The following PATZ1 variants were observed in gnomAD, a reference collection of about 807,000 sequenced individuals.
The protein encoded by PATZ1 is POZ/BTB and AT hook containing zinc finger 1.
Under a neutral mutation model 46.2 loss-of-function variants are expected in PATZ1, and 9 were observed. That is an observed-to-expected ratio of 0.19 (90% CI 0.12 to 0.34). The LOEUF (loss-of-function observed/expected upper bound fraction) is 0.34, where lower values mean the gene tolerates loss of function less well. PATZ1 is among the 10% of genes least tolerant of loss of function. The probability of loss-of-function intolerance (pLI) is 1.00; values close to 1 mark genes in which losing one functional copy is unlikely to be tolerated. For missense variants in PATZ1, 632 were observed against 923.0 expected (o/e 0.68, Z 4.08); for synonymous variants, 426 against 378.6 (o/e 1.13, Z -1.45).
chr22:31,336,429 G>C (rs1044559141), intron 2 of PATZ1, among the ~76,000 whole-genome samples: 3 of 152,098 alleles, frequency 2.0e-5, no homozygotes, highest in Non-Finnish European at 4.4e-5. Context: ...TCACGAGTTT[G>C]AATTGAAAAA....
intron 2 of PATZ1, among the ~76,000 whole-genome samples, chr22:31,337,296 C>G (rs551556743): frequency 6.6e-6 from 1 of 152,162 alleles, no homozygotes; most frequent in East Asian, 1.9e-4. Flanking sequence ...TGTGTGATCA[C>G]CCTCCAAGAC....
chr22:31,344,249 TC>T, intron 1 of PATZ1, 82 bp downstream of exon 1: 1 of 1,298,670 alleles, frequency 7.7e-7, no homozygotes, highest in East Asian at 2.3e-5. Context: ...CCCCCACAAA[TC>T]CCACACCCCC....
intron 3 of PATZ1, among the ~76,000 whole-genome samples, chr22:31,334,908 T>C (rs1414820584): frequency 3.3e-5 from 5 of 152,176 alleles, no homozygotes; most frequent in Non-Finnish European, 5.9e-5. Flanking sequence ...AAGCACACCA[T>C]GCAGAAGCAT....
intron 2 of PATZ1, chr22:31,341,200 T>C (rs1024252427): frequency 6.4e-6 from 8 of 1,254,218 alleles, no homozygotes; most frequent in African/African-American, 1.5e-5. Flanking sequence ...AGAAAGAAAC[T>C]TGGATGCTAT....
intron 3 of PATZ1, among the ~76,000 whole-genome samples, chr22:31,331,164 T>C (rs2049436808): frequency 6.6e-6 from 1 of 152,076 alleles, no homozygotes; most frequent in Non-Finnish European, 1.5e-5. Context: ...AGGGAGGCTG[T>C]AGTCAGGAGT....
chr22:31,341,350 GCCAA>G, intron 2 of PATZ1: 1 of 1,506,128 alleles, frequency 6.6e-7, no homozygotes, highest in African/African-American at 1.4e-5. Flanking sequence ...GGGGTCTCAG[GCCAA>G]ATGCCCCTCC....
At chr22:31,335,544 G>T in intron 3 of PATZ1, 148 bp downstream of exon 3, 1 of 697,028 alleles carries the variant, frequency 1.4e-6, no homozygotes. Flanking sequence ...ATAGCTAGTT[G>T]GGTGATGAAG....
At position 31,345,492 on chromosome 22, in the gene PATZ1, G is replaced by T; in HGVS notation, c.111C>A (p.Gly37=). 1 of 1,613,240 alleles carries T rather than the reference G, an allele frequency of 6.2e-7. No individual in the cohort carries two copies. Among genetic ancestry groups the T allele is most frequent in the Non-Finnish European group, 8.5e-7 (1 of 1,179,866 alleles). ...GCAAGAGCACGTCGCAGAAGCGCCC[G>T]CCGTTTTTGCGCTGCTGGTTCAGGT... ...LHNLNQQRKN[G]GRFCDVLLRV... is the part of the protein sequence containing the mutation. The change falls in exon 1 of 5, where the codon GGC becomes GGA. Residue 37 remains glycine (G), a synonymous_variant. Transcript: ENST00000266269. The surrounding 1 kb of genome is among the most constrained non-coding windows in gnomAD (Gnocchi z 7.4).
At position 31,340,604 on chromosome 22, in the gene PATZ1, G is replaced by A. The variant is rs543226032; in HGVS notation, c.1335+2293C>T. On this transcript the variant is annotated intron_variant, in intron 2 of 4. Coordinates refer to ENST00000266269, the MANE Select transcript of PATZ1 (RefSeq NM_014323.3). ...ATGTTGGGAGGGGCAGGGCAGGAGC[G>A]CATTTGTACACCAAGGGACAGTGAT... 3.6e-5 allele frequency: 30 copies of A among 827,210 alleles called. No individual in the cohort carries two copies. In the South Asian group the frequency reaches 9.0e-4, roughly 25 times the overall value. The allele number at this position is 827,210 out of a possible 1,614,324, so 51.2% of individuals were successfully genotyped here.
chr22:31,328,883 G>A lies in PATZ1; in HGVS notation c.1549C>T (p.His517Tyr). 6.2e-7 allele frequency: 1 copy of A among 1,614,082 alleles called. No homozygotes were observed. Among genetic ancestry groups the A allele is most frequent in the Non-Finnish European group, 8.5e-7 (1 of 1,179,936 alleles). The change falls in exon 4 of 5, where the codon CAC becomes TAC. Residue 517 changes from histidine to tyrosine, a missense_variant. Coordinates refer to ENST00000266269, the MANE Select transcript of PATZ1 (RefSeq NM_014323.3). The surrounding 1 kb of genome is among the most constrained non-coding windows in gnomAD (Gnocchi z 4.8). ...ASYLKVHVKTHHGVPLPQVSR... is the reference protein window; with the variant it reads ...ASYLKVHVKTYHGVPLPQVSR... ...ACCTGGGGAAGGGGAACACCGTGGT[G>A]GGTTTTAACATGGACCTTTAAGTAG...
chr22:31,346,211 CGGCGGCGGCGGCGGCTGGAGCGGGCG>C lies in PATZ1; in HGVS notation c.-635_-610del, dbSNP rs949797450. 3.2e-4 allele frequency: 48 copies of C among 150,812 alleles called. No homozygotes were observed. Among genetic ancestry groups the C allele is most frequent in the Admixed American group, 1.2e-3 (18 of 14,828 alleles). The allele number at this position is 150,812 out of a possible 1,614,324, so 9.3% of individuals were successfully genotyped here. A position where few individuals can be genotyped will look rare whatever the true frequency, so the allele number is the denominator to read the frequency against. ...GGTCCCGGAGCCTGGAGGGCGGTGG[CGGCGGCGGCGGCGGCTGGAGCGGGCG>C]GGCGGCGGCGGCGGCAGAGTAGGCC... On this transcript the variant is annotated 5_prime_UTR_variant, in exon 1 of 5. Transcript: ENST00000266269.
chr22:31,344,626 A>G lies in PATZ1; in HGVS notation c.977T>C (p.Leu326Pro). The G allele has an allele frequency of 6.2e-7, 1 of 1,614,066 alleles. No individual in the cohort carries two copies. The highest frequency in any genetic ancestry group is 8.5e-7 in the Non-Finnish European group (1 of 1,180,030). Residue 326 changes from leucine (L) to proline (P), a missense_variant, in exon 1 of 5, where the codon CTT becomes CCT. Leu to Pro is a moderately conservative substitution (Grantham distance 98). Transcript: ENST00000266269. ...VTSLQLGYID[L>P]PPPRLGENGL... ...ATTCTCACCCAGCCTCGGAGGAGGA[A>G]GGTCGATGTAGCCCAGCTGGAGGCT...
chr22:31,337,739 A>G (rs1157131698), intron 2 of PATZ1: 1 of 152,214 alleles, frequency 6.6e-6, no homozygotes, highest in African/African-American at 2.4e-5. Flanking sequence ...CCACCCCATT[A>G]CCTTGTGCTA....
chr22:31,328,268 A>G lies in PATZ1; in HGVS notation c.1645+519T>C, dbSNP rs892938673. ...CCAAGTCAGAGGAGTCAGATAGCTC[A>G]TTATTGCCATGCATCTCACAACCAT... On this transcript the variant is annotated intron_variant, in intron 4 of 4. Transcript: ENST00000266269. This position sits in a 1 kb window ranked among gnomAD's most constrained non-coding sequence, Gnocchi z 4.8. 6.6e-5 allele frequency among the ~76,000 whole-genome samples: 10 copies of G among 152,206 alleles called. No individual in the cohort carries two copies. Among genetic ancestry groups the G allele is most frequent in the Admixed American group, 5.2e-4 (8 of 15,282 alleles).
chr22:31,340,717 G>A (rs973985662), intron 2 of PATZ1: 43 of 1,043,300 alleles, frequency 4.1e-5, no homozygotes, highest in African/African-American at 1.8e-4. Context: ...TGTTCACCCC[G>A]CAGAGTCTGC....
intron 2 of PATZ1, among the ~76,000 whole-genome samples, chr22:31,339,232 A>G (rs538681018): frequency 6.6e-6 from 1 of 152,314 alleles, no homozygotes; most frequent in East Asian, 1.9e-4. Flanking sequence ...AATGAAAGCT[A>G]ACTTTCGCCT....
chr22:31,344,236 T>A (rs1018491220), intron 1 of PATZ1, 96 bp downstream of exon 1: 24 of 1,141,430 alleles, frequency 2.1e-5, no homozygotes, highest in Non-Finnish European at 3.0e-5. Flanking sequence ...TAAGGTCAAA[T>A]GACCCCCACA....
chr22:31,343,233 T>C, intron 1 of PATZ1: 2 of 1,207,144 alleles, frequency 1.7e-6, no homozygotes, highest in Non-Finnish European at 2.1e-6. Context: ...CACCAGAAAC[T>C]CAGTGTTTTC....
At position 31,335,686 on chromosome 22, in the gene PATZ1, G is replaced by A. The variant is rs2049500351; in HGVS notation, c.1507+6C>T. 6.2e-7 allele frequency: 1 copy of A among 1,613,066 alleles called. No individual in the cohort carries two copies. Among genetic ancestry groups the A allele is most frequent in the African/African-American group, 1.3e-5 (1 of 75,026 alleles). On this transcript the variant is annotated splice_donor_region_variant and intron_variant, in intron 3 of 4. Coordinates refer to ENST00000266269, the MANE Select transcript of PATZ1 (RefSeq NM_014323.3). Reference sequence around the variant, plus strand: ...TCTGGAAGTGAGGAAACAGTGGGCAGATTACCTCGGTTACAGATACTGCAG... The same window carrying A: ...TCTGGAAGTGAGGAAACAGTGGGCAAATTACCTCGGTTACAGATACTGCAG...
Sources: allele counts gnomAD v4.1 joint callset (sites outside exome capture counted in the v4.1 genomes callset), GRCh38; gene constraint gnomAD v4.1.1; non-coding constraint Gnocchi (gnomAD v3.1); transcripts MANE v1.5; gene names NCBI Gene and HGNC (gene_info 2026-07-23, HGNC 2026-07-21).